The following ATRNL1 variants were observed in gnomAD, a reference collection of about 807,000 sequenced individuals.
ATRNL1 encodes attractin like 1, also known as attractin-like protein 1.
A neutral mutation model predicts 182.7 loss-of-function variants in ATRNL1; 95 were observed. The ratio of observed to expected loss-of-function variants is 0.52; its 90% confidence interval spans 0.44 to 0.62. ATRNL1 has a LOEUF of 0.62. Ranked by LOEUF, ATRNL1 falls within the 20% of genes least tolerant of loss-of-function variation. ATRNL1 has a pLI of 0.00. For missense variants in ATRNL1, 1,471 were observed against 1,679.5 expected (o/e 0.88, Z 2.17); for synonymous variants, 576 against 568.3 (o/e 1.01, Z -0.19).
intron 16 of ATRNL1, 112 bp from the exon 17 acceptor site, chr10:115,301,743 C>A (rs1247839942): frequency 7.5e-6 from 6 of 805,290 alleles, no homozygotes; most frequent in Non-Finnish European, 8.8e-6. Flanking sequence ...TATTATAATG[C>A]CACAGTTGGC....
chr10:115,526,904 A>G (rs986374709), intron 25 of ATRNL1, among the ~76,000 whole-genome samples: 2 of 152,112 alleles, frequency 1.3e-5, no homozygotes, highest in Non-Finnish European at 2.9e-5. Context: ...GTTTAACACC[A>G]GTGGTGTAGC....
At chr10:115,115,944 A>C (rs1844465609) in intron 1 of ATRNL1, among the ~76,000 whole-genome samples, 1 of 152,104 alleles carries the variant, frequency 6.6e-6, no homozygotes, top group African/African-American at 2.4e-5. Flanking sequence ...ACAGCCCAGC[A>C]TGCTTTTAAT....
chr10:115,396,445 A>G (rs1844293739), intron 20 of ATRNL1, among the ~76,000 whole-genome samples: 2 of 152,008 alleles, frequency 1.3e-5, no homozygotes, highest in East Asian at 1.9e-4. Context: ...GTGCTCTGCT[A>G]TCATCATCTT....
At chr10:115,403,694 C>T (rs78409589) in intron 20 of ATRNL1, among the ~76,000 whole-genome samples, 10,062 of 152,130 alleles carry the variant, frequency 0.066, 1,091 homozygotes, top group African/African-American at 0.23. Flanking sequence ...TCAAGTGATC[C>T]GTCCACCTTG....
chr10:115,308,242 T>G (rs1347875125), intron 17 of ATRNL1, among the ~76,000 whole-genome samples: 4 of 152,170 alleles, frequency 2.6e-5, no homozygotes, highest in Admixed American at 1.3e-4. Context: ...CTGAGAAAGC[T>G]TTGCTAATAA....
chr10:115,809,670 G>A (rs1296086170), intron 27 of ATRNL1, among the ~76,000 whole-genome samples: 1 of 151,892 alleles, frequency 6.6e-6, no homozygotes, highest in East Asian at 1.9e-4. Context: ...CAACACTCAA[G>A]TTATTAATTG....
intron 8 of ATRNL1, among the ~76,000 whole-genome samples, chr10:115,186,063 A>T (rs1488846293): frequency 6.6e-6 from 1 of 152,064 alleles, no homozygotes; most frequent in African/African-American, 2.4e-5. Context: ...GAGACATTTT[A>T]TGGAAAGGGG....
intron 27 of ATRNL1, among the ~76,000 whole-genome samples, chr10:115,770,587 A>G (rs782261313): frequency 6.6e-6 from 1 of 152,210 alleles, no homozygotes; most frequent in Non-Finnish European, 1.5e-5. Flanking sequence ...CATTACTCAC[A>G]CATGCAAAAA....
At chr10:115,794,167 T>G (rs1430031785) in intron 27 of ATRNL1, among the ~76,000 whole-genome samples, 2 of 152,156 alleles carry the variant, frequency 1.3e-5, no homozygotes, top group South Asian at 4.1e-4. Flanking sequence ...AACTCAGGCC[T>G]TGTGACACAG....
intron 25 of ATRNL1, among the ~76,000 whole-genome samples, chr10:115,526,888 A>G (rs1554986704): frequency 6.6e-6 from 1 of 152,104 alleles, no homozygotes; most frequent in African/African-American, 2.4e-5. Flanking sequence ...GGGCACTTCT[A>G]AGAATGTTTA....
At chr10:115,130,758 A>G (rs11197074) in intron 5 of ATRNL1, among the ~76,000 whole-genome samples, 1 of 152,086 alleles carries the variant, frequency 6.6e-6, no homozygotes, top group East Asian at 1.9e-4. Context: ...TGTCTTTTCT[A>G]TAGAGACAGT....
intron 27 of ATRNL1, among the ~76,000 whole-genome samples, chr10:115,822,447 G>C (rs1315263349): frequency 1.3e-5 from 2 of 152,068 alleles, no homozygotes; most frequent in Non-Finnish European, 2.9e-5. Flanking sequence ...AACTGAAGGA[G>C]ATAGAGAGAC....
intron 26 of ATRNL1, among the ~76,000 whole-genome samples, chr10:115,612,156 G>T (rs782649239): frequency 6.6e-6 from 1 of 152,052 alleles, no homozygotes; most frequent in Admixed American, 6.6e-5. Flanking sequence ...GGAGGCTGAG[G>T]CAGGAGAATC....
At chr10:115,877,876 G>A (rs7082766) in intron 28 of ATRNL1, among the ~76,000 whole-genome samples, 2,619 of 152,234 alleles carry the variant, frequency 0.017, 73 homozygotes, top group African/African-American at 0.06. Context: ...CCTAAGCACC[G>A]TGCTAGGCAC....
At chr10:115,189,715 G>C (rs1262334266) in intron 8 of ATRNL1, among the ~76,000 whole-genome samples, 3 of 151,860 alleles carry the variant, frequency 2.0e-5, no homozygotes, top group Admixed American at 2.0e-4. Flanking sequence ...AATTTATAGT[G>C]GGCTAAGGTT....
rs547241163 is a variant in ATRNL1, at chr10:115,168,715, A to C, written c.1093-2322A>C. ...TCATATGTTCTAGATACAAGCCATT[A>C]TCAGGTAAATAATTTGCAAATATTT... is the stretch of plus-strand genomic sequence containing the variant. On this transcript the variant is annotated intron_variant, in intron 7 of 28. Transcript: ENST00000355044. Among the ~76,000 whole-genome samples, 3 of 152,204 alleles carry C rather than the reference A, an allele frequency of 2.0e-5. No individual in the cohort carries two copies. The East Asian group carries it at 5.8e-4, about 29-fold the overall frequency.
intron 21 of ATRNL1, among the ~76,000 whole-genome samples, chr10:115,449,097 C>T (rs1847157290): frequency 6.6e-6 from 1 of 152,160 alleles, no homozygotes; most frequent in Non-Finnish European, 1.5e-5. Context: ...AAGCCTGGAA[C>T]AGTAGCCCAA....
chr10:115,333,048 T>C (rs1554935545), intron 18 of ATRNL1, among the ~76,000 whole-genome samples: 1 of 152,220 alleles, frequency 6.6e-6, no homozygotes, highest in Non-Finnish European at 1.5e-5. Context: ...TAAAAATTGA[T>C]GCTTATGTAC....
At chr10:115,882,405 C>T (rs554962761) in intron 28 of ATRNL1, among the ~76,000 whole-genome samples, 1 of 152,196 alleles carries the variant, frequency 6.6e-6, no homozygotes, top group South Asian at 2.1e-4. Flanking sequence ...GGTTCTGACA[C>T]CCACATTGTA....
Sources: allele counts gnomAD v4.1 joint callset (sites outside exome capture counted in the v4.1 genomes callset), GRCh38; gene constraint gnomAD v4.1.1; transcripts MANE v1.5; gene names NCBI Gene and HGNC (gene_info 2026-07-23, HGNC 2026-07-21).